SLC22A24: variants seen among roughly 807,000 people sequenced by gnomAD.
The protein encoded by SLC22A24 is solute carrier family 22 member 24, also known as steroid transmembrane transporter SLC22A24.
A neutral mutation model predicts 49.8 loss-of-function variants in SLC22A24; 53 were observed. The ratio of observed to expected loss-of-function variants is 1.06; its 90% CI spans 0.85 to 1.34. The LOEUF (loss-of-function observed/expected upper bound fraction) is 1.34. Among genes scored for constraint, SLC22A24 ranks in the 40% most tolerant of loss-of-function variants. The pLI is 0.00. For synonymous variants in SLC22A24, 302 were observed against 256.4 expected (o/e 1.18, Z -1.70); for missense variants, 786 against 675.9 (o/e 1.16, Z -1.81).
intron 5 of SLC22A24, among the ~76,000 whole-genome samples, chr11:63,098,701 A>T (rs1001238988): frequency 6.6e-6 from 1 of 152,088 alleles, no homozygotes; most frequent in Non-Finnish European, 1.5e-5. Flanking sequence ...AAATAAAAAA[A>T]CTAAACAATC....
intron 6 of SLC22A24, among the ~76,000 whole-genome samples, chr11:63,088,160 C>G (rs748552541): frequency 6.6e-5 from 10 of 152,184 alleles, no homozygotes; most frequent in Non-Finnish European, 1.2e-4. Context: ...TCAACAGACA[C>G]CTCATACAGG....
At position 63,118,899 on chromosome 11, in the gene SLC22A24, A is replaced by T; in HGVS notation, c.830+13T>A. The T allele has an allele frequency of 1.3e-6, 2 of 1,551,926 alleles. No individual in the cohort carries two copies. The highest frequency in any genetic ancestry group is 1.7e-6 in the Non-Finnish European group (2 of 1,146,976). ...CCTCGCTTACAGGCAAAGAATGTGG[A>T]GATTGTTCATACCAAGAGGACAAGA... On this transcript the variant is annotated intron_variant, in intron 4 of 9. Transcript: ENST00000612278.
chr11:63,091,494 T>C (rs550944747), intron 6 of SLC22A24, among the ~76,000 whole-genome samples: 2 of 152,314 alleles, frequency 1.3e-5, no homozygotes, highest in Admixed American at 6.5e-5. Context: ...TGAACATCGA[T>C]GAGAAAATCC....
chr11:63,105,229 CTG>C (rs2134652209), intron 4 of SLC22A24, among the ~76,000 whole-genome samples: 1 of 152,310 alleles, frequency 6.6e-6, no homozygotes, highest in East Asian at 1.9e-4. Flanking sequence ...CATTGAGTGT[CTG>C]TGGCTTTTCC....
chr11:63,142,356 G>A (rs1467842226), intron 1 of SLC22A24, among the ~76,000 whole-genome samples: 2 of 152,108 alleles, frequency 1.3e-5, no homozygotes, highest in Non-Finnish European at 2.9e-5. Context: ...GATTGAAACT[G>A]CCTTTGCAAA....
chr11:63,112,292 A>G (rs1423490484), intron 4 of SLC22A24, among the ~76,000 whole-genome samples: 2 of 152,134 alleles, frequency 1.3e-5, no homozygotes, highest in Admixed American at 1.3e-4. Flanking sequence ...TTTTGGAATA[A>G]GTGTGGTGTA....
chr11:63,119,062 G>A lies in SLC22A24; in HGVS notation c.680C>T (p.Pro227Leu), dbSNP rs1023635972. 1 of 1,549,536 alleles carries A rather than the reference G, an allele frequency of 6.5e-7. No homozygotes were observed. The highest frequency in any genetic ancestry group is 8.7e-7 in the Non-Finnish European group (1 of 1,145,498). The change falls in exon 4 of 10, where the codon CCC (proline) becomes CTC (leucine). Residue 227 changes from proline to leucine, a missense_variant. Coordinates refer to ENST00000612278, the MANE Select transcript of SLC22A24 (RefSeq NM_001136506.2). ...CATTATTGTCATAGATCGTGACCGG[G>A]GCAATGTCCACTCTAAGCCTGGAAG... ...TFILSLEWTL[P>L]RSRSMTIMVL...
At chr11:63,127,302 A>G (rs966038749) in intron 2 of SLC22A24, among the ~76,000 whole-genome samples, 16 of 152,218 alleles carry the variant, frequency 1.1e-4, no homozygotes, top group African/African-American at 3.6e-4. Flanking sequence ...TGCAAAGGAC[A>G]TGAACTCATC....
Position 63,110,455 on chromosome 11 carries a change from C to T in SLC22A24, c.831-6157G>A, listed in dbSNP as rs943922204. 1.3e-3 allele frequency among the ~76,000 whole-genome samples: 198 copies of T among 148,360 alleles called. 1 individual carries two copies. The highest frequency in any genetic ancestry group is 3.3e-3 in the African/African-American group (136 of 40,752). On this transcript the variant is annotated intron_variant, in intron 4 of 9. Coordinates refer to ENST00000612278, the MANE Select transcript of SLC22A24 (RefSeq NM_001136506.2). ...ATCTTGGGCAGTATGGCCATTTTCA[C>T]GATATTGATTCTTCCTTCCCATGAG...
chr11:63,081,714 C>T, intron 7 of SLC22A24, 48 bp from the exon 8 acceptor site: 1 of 1,246,984 alleles, frequency 8.0e-7, no homozygotes, highest in Non-Finnish European at 1.2e-6. Context: ...AGAAACTTTT[C>T]AACCCCCAAA....
At position 63,119,075 on chromosome 11, in the gene SLC22A24, C is replaced by CT. The variant is rs753311811; in HGVS notation, c.666dup (p.Glu223ArgfsTer72). 8 of 1,546,858 alleles carry CT rather than the reference C, an allele frequency of 5.2e-6. No homozygotes were observed. The Admixed American group carries it at 1.4e-4, about 27-fold the overall frequency. ...GATCGTGACCGGGGCAATGTCCACTCTAAGCCTGGAAGAAAACATATACAT... is the reference window on the plus strand; with the variant it reads ...GATCGTGACCGGGGCAATGTCCACTCTTAAGCCTGGAAGAAAACATATACAT... On this transcript the variant is annotated frameshift_variant, in exon 4 of 10. Coordinates refer to ENST00000612278, the MANE Select transcript of SLC22A24 (RefSeq NM_001136506.2). LOFTEE classifies it high-confidence loss of function.
chr11:63,097,445 G>A (rs1323815791), intron 5 of SLC22A24, among the ~76,000 whole-genome samples: 1 of 152,156 alleles, frequency 6.6e-6, no homozygotes, highest in Non-Finnish European at 1.5e-5. Context: ...GAGAGGATGT[G>A]GAGAAATAGG....
chr11:63,111,269 A>T (rs187368167), intron 4 of SLC22A24, among the ~76,000 whole-genome samples: 115,006 of 150,396 alleles, frequency 0.76, 45,966 homozygotes, highest in East Asian at 0.9. Flanking sequence ...TATTGAGGAT[A>T]TTTGCATCAA....
At chr11:63,122,772 G>C (rs1015037052) in intron 2 of SLC22A24, among the ~76,000 whole-genome samples, 1 of 151,972 alleles carries the variant, frequency 6.6e-6, no homozygotes, top group Non-Finnish European at 1.5e-5. Context: ...CGCTAGCCTC[G>C]GCCTCCCAAA....
intron 4 of SLC22A24, among the ~76,000 whole-genome samples, chr11:63,106,447 C>A (rs1336222261): frequency 2.6e-5 from 4 of 152,132 alleles, no homozygotes; most frequent in African/African-American, 4.8e-5. Flanking sequence ...GGTACATACC[C>A]AGTAATGGGA....
chr11:63,088,512 G>C (rs960606752), intron 6 of SLC22A24, among the ~76,000 whole-genome samples: 2 of 151,920 alleles, frequency 1.3e-5, no homozygotes, highest in Non-Finnish European at 2.9e-5. Context: ...GCAAAAACCA[G>C]AATGCCTCTT....
At chr11:63,110,938 G>A (rs1195088655) in intron 4 of SLC22A24, among the ~76,000 whole-genome samples, 1 of 151,568 alleles carries the variant, frequency 6.6e-6, no homozygotes, top group African/African-American at 2.4e-5. Flanking sequence ...GTTTTCAAAG[G>A]GAATGCTTCC....
chr11:63,125,225 G>T (rs2087281470), intron 2 of SLC22A24, among the ~76,000 whole-genome samples: 1 of 152,014 alleles, frequency 6.6e-6, no homozygotes, highest in African/African-American at 2.4e-5. Context: ...TGTTACATAG[G>T]TGTACAAGTG....
intron 6 of SLC22A24, among the ~76,000 whole-genome samples, chr11:63,091,687 GC>G (rs1291247654): frequency 2.6e-5 from 4 of 152,074 alleles, no homozygotes; most frequent in African/African-American, 9.7e-5. Context: ...TGCAGAAAAG[GC>G]CTTTGATAAA....
Sources: gnomAD v4.1 joint callset for allele counts (sites outside exome capture counted in the v4.1 genomes callset) on GRCh38, gnomAD v4.1.1 for gene constraint, MANE v1.5 for transcripts, NCBI Gene and HGNC (gene_info 2026-07-23, HGNC 2026-07-21) for gene names.